Variants in NPR1 observed in about 807,000 individuals in gnomAD.
NPR1 encodes the protein atrial natriuretic peptide receptor 1.
In NPR1, 57 loss-of-function variants were observed where a neutral mutation model predicts 116.9. The ratio of observed to expected loss-of-function variants is 0.49; its 90% CI spans 0.39 to 0.61. The LOEUF (loss-of-function observed/expected upper bound fraction) is 0.61, where lower values mean the gene tolerates loss of function less well. Among genes scored for constraint, NPR1 ranks in the 20% least tolerant of loss-of-function variants. The probability of loss-of-function intolerance (pLI) is 0.00; values close to 1 mark genes in which losing one functional copy is unlikely to be tolerated. For synonymous variants in NPR1, 555 were observed against 601.6 expected (o/e 0.92, Z 1.13); for missense variants, 1,096 against 1,409.8 (o/e 0.78, Z 3.56).
In NPR1 at chr1:153,689,671, G is replaced by T; in HGVS notation, c.2758-135G>T. ...ACACAGGGAGACCCGGGAACAGGCA[G>T]AGAACCCATGTGGGATGGGGGATGA... On this transcript the variant is annotated intron_variant, in intron 18 of 21. Transcript: ENST00000368680. The surrounding 1 kb of genome is among the most constrained non-coding windows in gnomAD (Gnocchi z 5.1). The T allele has an allele frequency of 8.2e-7, 1 of 1,222,158 alleles. No individual in the cohort carries two copies. The highest frequency in any genetic ancestry group is 2.4e-5 in the East Asian group (1 of 40,878). 75.7% of individuals were successfully genotyped at this position (1,222,158 alleles called of 1,614,324 possible). A position where few individuals can be genotyped will look rare whatever the true frequency, so the allele number is the denominator to read the frequency against.
In NPR1 at chr1:153,689,769, A is replaced by T. The variant is rs745790284; in HGVS notation, c.2758-37A>T. The T allele has an allele frequency of 6.7e-7, 1 of 1,487,534 alleles. No individual in the cohort carries two copies. The highest frequency in any genetic ancestry group is 2.4e-5 in the East Asian group (1 of 40,924). The allele number at this position is 1,487,534 out of a possible 1,614,324, so 92.1% of individuals were successfully genotyped here. On this transcript the variant is annotated intron_variant, in intron 18 of 21. Transcript: ENST00000368680. This position sits in a 1 kb window ranked among gnomAD's most constrained non-coding sequence, Gnocchi z 5.1. ...ACGGTGTGGCCGGCCGCACAGTTGC[A>T]GCCGTCAAGTCCTGCACCCCCTCGC...
intron 20 of NPR1, among the ~76,000 whole-genome samples, chr1:153,692,365 G>A (rs1297340147): frequency 4.1e-5 from 6 of 147,204 alleles, no homozygotes; most frequent in East Asian, 2.0e-4. Context: ...GTGTAGAGCC[G>A]GGTGACACTC....
intron 19 of NPR1, 38 bp from the exon 20 acceptor site, chr1:153,690,246 T>G (rs769499810): frequency 3.3e-6 from 5 of 1,508,668 alleles, no homozygotes; most frequent in Non-Finnish European, 4.5e-6. Context: ...CCTCCCTCAC[T>G]CGCTGATGGG....
intron 7 of NPR1, among the ~76,000 whole-genome samples, chr1:153,684,344 T>G (rs897033943): frequency 4.0e-5 from 6 of 151,170 alleles, no homozygotes; most frequent in Non-Finnish European, 8.8e-5. Context: ...GTTGAGCATA[T>G]AATGTGTGCC....
At position 153,693,368 on chromosome 1, in the gene NPR1, G is replaced by A. The variant is rs753847049; in HGVS notation, c.3140G>A (p.Arg1047Gln). 19 of 1,613,034 alleles carry A rather than the reference G, an allele frequency of 1.2e-5. No homozygotes were observed. The highest frequency in any genetic ancestry group is 1.7e-5 in the Admixed American group (1 of 59,892). The change falls in exon 22 of 22, where the codon CGG becomes CAG. Residue 1047 changes from arginine to glutamine, a missense_variant. By Grantham distance (43) the Arg-to-Gln change is conservative (BLOSUM62 1). Transcript: ENST00000368680. ...DVEMKGKGKVRTYWLLGERGS... is the reference protein window; with the variant it reads ...DVEMKGKGKVQTYWLLGERGS... ...TCCCTCCAGGGCAAAGGCAAGGTTC[G>A]GACCTACTGGCTCCTTGGGGAGAGG...
chr1:153,686,361 G>A (rs1241950690), intron 10 of NPR1, among the ~76,000 whole-genome samples, 161 bp downstream of exon 10: 1 of 152,008 alleles, frequency 6.6e-6, no homozygotes, highest in Non-Finnish European at 1.5e-5. Context: ...GGGAGTGGGG[G>A]TATCCTAAGC....
rs1248897234 is a variant in NPR1, at chr1:153,679,950, A to C, written c.721+121A>C. On this transcript the variant is annotated intron_variant, in intron 1 of 21. Transcript: ENST00000368680. The surrounding 1 kb of genome is among the most constrained non-coding windows in gnomAD (Gnocchi z 4.2). ...CTCTTCTTTCTCCTCGCCGTTCTTC[A>C]TTCTACTTTCAGCTCCCTGGCCCTT... 5.9e-6 allele frequency: 8 copies of C among 1,351,036 alleles called. No individual in the cohort carries two copies. Among genetic ancestry groups the C allele is most frequent in the Non-Finnish European group, 7.9e-6 (8 of 1,010,064 alleles). The allele number at this position is 1,351,036 out of a possible 1,614,324, so 83.7% of individuals were successfully genotyped here.
At chr1:153,685,930 C>T in intron 9 of NPR1, 50 bp downstream of exon 9, 2 of 1,549,162 alleles carry the variant, frequency 1.3e-6, no homozygotes, top group South Asian at 1.1e-5. Context: ...CAGGAGTGTA[C>T]TCTGATGGAG....
rs372297612 is a variant in NPR1, at chr1:153,689,007, G to A, written c.2472G>A (p.Ala824=). Reference sequence around the variant, plus strand: ...TGCTGTCCCGCATGGAGCAGTACGCGAACAATCTGGAGGAACTGGTGGAGG... The same window carrying A: ...TGCTGTCCCGCATGGAGCAGTACGCAAACAATCTGGAGGAACTGGTGGAGG... The part of the protein sequence containing the change: ...DNLLSRMEQY[A]NNLEELVEER... The change falls in exon 16 of 22, where the codon GCG becomes GCA. Residue 824 remains alanine (A), a synonymous_variant. Transcript: ENST00000368680. The surrounding 1 kb of genome is among the most constrained non-coding windows in gnomAD (Gnocchi z 5.1). 4.8e-5 allele frequency: 78 copies of A among 1,614,018 alleles called. No homozygotes were observed. Among genetic ancestry groups the A allele is most frequent in the Non-Finnish European group, 6.4e-5 (75 of 1,180,034 alleles).
intron 19 of NPR1, 110 bp downstream of exon 19, chr1:153,690,090 C>G (rs954958890): frequency 7.6e-6 from 5 of 656,142 alleles, no homozygotes; most frequent in Non-Finnish European, 9.5e-6. Context: ...CTCTCTCTCT[C>G]TCTCTCTCTC....
rs1379228809 is a variant in NPR1 at position 153,689,962 on chromosome 1, C to A, written c.2914C>A (p.Arg972Ser). ...CCGGCCCCAGGAGCAGCTGCGCTTG[C>A]GCATTGGCATCCACACAGGTAAGGC... ...RHRPQEQLRL[R>S]IGIHTGPVCA... The change falls in exon 19 of 22, where the codon CGC becomes AGC. Residue 972 changes from arginine to serine, a missense_variant. Physicochemically the swap from Arg to Ser is moderately radical, Grantham distance 110. Coordinates refer to ENST00000368680, the MANE Select transcript of NPR1 (RefSeq NM_000906.4). The surrounding 1 kb of genome is among the most constrained non-coding windows in gnomAD (Gnocchi z 5.1). 2 of 1,535,196 alleles carry A rather than the reference C, an allele frequency of 1.3e-6. No individual in the cohort carries two copies. Among genetic ancestry groups the A allele is most frequent in the Non-Finnish European group, 1.8e-6 (2 of 1,136,866 alleles).
chr1:153,686,664 G>A lies in NPR1; in HGVS notation c.1777G>A (p.Glu593Lys). Residue 593 changes from glutamate (E) to lysine (K), a missense_variant, in exon 11 of 22, where the codon GAA becomes AAA. Physicochemically the swap from Glu to Lys is moderately conservative, Grantham distance 56. Coordinates refer to ENST00000368680, the MANE Select transcript of NPR1 (RefSeq NM_000906.4). ...CTTGCAGATGCGGGATGTGCAGAAT[G>A]AACACCTGACCAGGTTTGTGGGAGC... ...ELKHMRDVQN[E>K]HLTRFVGACT... is the part of the protein sequence containing the mutation. 1 of 1,613,914 alleles carries A rather than the reference G, an allele frequency of 6.2e-7. No individual in the cohort carries two copies. Among genetic ancestry groups the A allele is most frequent in the East Asian group, 2.2e-5 (1 of 44,884 alleles).
At chr1:153,687,592 T>G (rs937851740) in intron 13 of NPR1, 42 bp from the exon 14 acceptor site, 2 of 1,544,798 alleles carry the variant, frequency 1.3e-6, no homozygotes, top group Non-Finnish European at 1.8e-6. Flanking sequence ...CCCCTTAGCT[T>G]TGGGCTCCCT....
chr1:153,684,060 G>C (rs1306901090), intron 7 of NPR1, among the ~76,000 whole-genome samples: 1 of 152,180 alleles, frequency 6.6e-6, no homozygotes, highest in East Asian at 1.9e-4. Flanking sequence ...AAAGATCCAA[G>C]AAGCAGAGAA....
chr1:153,683,457 C>T lies in NPR1; in HGVS notation c.1345C>T (p.Pro449Ser), dbSNP rs1388685174. 6.2e-7 allele frequency: 1 copy of T among 1,614,194 alleles called. No homozygotes were observed. Among genetic ancestry groups the T allele is most frequent in the Non-Finnish European group, 8.5e-7 (1 of 1,180,028 alleles). Residue 449 changes from proline (P) to serine (S), a missense_variant, in exon 6 of 22, where the codon CCT (proline) becomes TCT (serine). Transcript: ENST00000368680. ...ACTGAACTGGCCCCTGGGGTACCCT[C>T]CTCCTGACATCCCCAAATGTGGCTT... The part of the protein sequence containing the change: ...RKLNWPLGYP[P>S]PDIPKCGFDN...
chr1:153,679,885 C>G lies in NPR1; in HGVS notation c.721+56C>G. ...TTAGCCGCAGGGCCTCCCCTCTGAC[C>G]TGCCGGAGGCATCGGGACTTTCTCT... On this transcript the variant is annotated intron_variant, in intron 1 of 21. Coordinates refer to ENST00000368680, the MANE Select transcript of NPR1 (RefSeq NM_000906.4). This position sits in a 1 kb window ranked among gnomAD's most constrained non-coding sequence, Gnocchi z 4.2. 6.6e-7 allele frequency: 1 copy of G among 1,510,832 alleles called. No homozygotes were observed. The highest frequency in any genetic ancestry group is 8.8e-7 in the Non-Finnish European group (1 of 1,138,894). 93.6% of individuals were successfully genotyped at this position (1,510,832 alleles called of 1,614,324 possible).
chr1:153,679,037 C>A lies in NPR1; in HGVS notation c.-72C>A. Reference sequence around the variant, plus strand: ...TAGGGACGCGCCTGATGCCTGGGACCGGCCGCTGAGCCCAAGGGGACCGAG... The same window carrying A: ...TAGGGACGCGCCTGATGCCTGGGACAGGCCGCTGAGCCCAAGGGGACCGAG... On this transcript the variant is annotated 5_prime_UTR_variant, in exon 1 of 22. Transcript: ENST00000368680. This position sits in a 1 kb window ranked among gnomAD's most constrained non-coding sequence, Gnocchi z 4.2. 7.3e-7 allele frequency: 1 copy of A among 1,370,364 alleles called. No homozygotes were observed. Among genetic ancestry groups the A allele is most frequent in the South Asian group, 1.7e-5 (1 of 59,476 alleles). 84.9% of individuals were successfully genotyped at this position (1,370,364 alleles called of 1,614,324 possible).
chr1:153,690,526 C>T, intron 20 of NPR1, 144 bp downstream of exon 20: 1 of 601,010 alleles, frequency 1.7e-6, no homozygotes, highest in Non-Finnish European at 3.0e-6. Context: ...ATTAAGAGTT[C>T]AACCTGGGCT....
intron 7 of NPR1, 59 bp from the exon 8 acceptor site, chr1:153,684,905 G>A: frequency 6.2e-7 from 1 of 1,604,110 alleles, no homozygotes; most frequent in South Asian, 1.1e-5. Flanking sequence ...GGGCTGCTGA[G>A]CACCCTGCCC....
Sources: gnomAD v4.1 joint callset for allele counts (sites outside exome capture counted in the v4.1 genomes callset) on GRCh38, gnomAD v4.1.1 for gene constraint, Gnocchi (gnomAD v3.1) non-coding constraint, MANE v1.5 for transcripts, NCBI Gene and HGNC (gene_info 2026-07-23, HGNC 2026-07-21) for gene names.